The following AOX1 variants were observed in gnomAD, a reference collection of about 807,000 sequenced individuals.
The protein encoded by AOX1 is aldehyde oxidase 1.
A neutral mutation model predicts 169.5 loss-of-function variants in AOX1; 153 were observed. That is an observed-to-expected ratio of 0.90 (90% CI 0.79 to 1.03). AOX1 has a LOEUF of 1.03. Ranked by LOEUF, AOX1 falls within the 50% of genes least tolerant of loss-of-function variation. The pLI is 0.00. For synonymous variants in AOX1, 562 were observed against 581.9 expected, an observed-to-expected ratio of 0.97 and a Z score of 0.49; for missense variants, 1,656 against 1,663.9, an observed-to-expected ratio of 1.00 and a Z score of 0.08.
intron 1 of AOX1, among the ~76,000 whole-genome samples, chr2:200,586,790 C>G (rs1478418642): frequency 6.6e-6 from 1 of 152,240 alleles, no homozygotes; most frequent in African/African-American, 2.4e-5. Context: ...GCTCTGTCGC[C>G]TCAGAAGCTG....
chr2:200,666,504 T>C (rs148765009), intron 31 of AOX1, among the ~76,000 whole-genome samples, 183 bp from the exon 32 acceptor site: 190 of 152,348 alleles, frequency 1.2e-3, no homozygotes, highest in African/African-American at 4.4e-3. Flanking sequence ...AGTATTTGTA[T>C]AATTTTGAAA....
intron 26 of AOX1, among the ~76,000 whole-genome samples, chr2:200,653,226 C>T (rs2035616108): frequency 6.6e-6 from 1 of 152,196 alleles, no homozygotes; most frequent in African/African-American, 2.4e-5. Context: ...GCCAGCAGTA[C>T]AAATTCATTC....
chr2:200,665,070 T>C (rs1423577870), intron 31 of AOX1, among the ~76,000 whole-genome samples: 1 of 152,224 alleles, frequency 6.6e-6, no homozygotes, highest in African/African-American at 2.4e-5. Flanking sequence ...GAGGCCTCCA[T>C]TCTTTGTCAT....
intron 4 of AOX1, among the ~76,000 whole-genome samples, chr2:200,599,243 A>G (rs1384062651): frequency 2.0e-5 from 3 of 152,158 alleles, no homozygotes; most frequent in Admixed American, 6.5e-5. Context: ...TATCTCAGTA[A>G]TTCACAACCA....
intron 5 of AOX1, among the ~76,000 whole-genome samples, chr2:200,601,470 G>T (rs1162350210): frequency 2.0e-5 from 3 of 151,986 alleles, no homozygotes; most frequent in Non-Finnish European, 4.4e-5. Context: ...CAAAATAAAT[G>T]AATAAATAAA....
chr2:200,654,284 C>T (rs1161703045), intron 26 of AOX1, among the ~76,000 whole-genome samples: 1 of 151,280 alleles, frequency 6.6e-6, no homozygotes, highest in African/African-American at 2.4e-5. Context: ...AACCACCACC[C>T]TGGTTAGTCA....
chr2:200,648,944 C>A (rs1253205339), intron 25 of AOX1, among the ~76,000 whole-genome samples: 2 of 152,086 alleles, frequency 1.3e-5, no homozygotes, highest in South Asian at 4.2e-4. Context: ...ATGTGTACCC[C>A]CCAACAGCCC....
At chr2:200,660,217 C>A in intron 29 of AOX1, 148 bp downstream of exon 29, 1 of 670,556 alleles carries the variant, frequency 1.5e-6, no homozygotes, top group African/African-American at 1.8e-5. Flanking sequence ...CCCTTTGGCT[C>A]TTAGCATGTG....
At chr2:200,628,190 T>TAC (rs911304455) in intron 20 of AOX1, among the ~76,000 whole-genome samples, 13 of 151,170 alleles carry the variant, frequency 8.6e-5, no homozygotes, top group East Asian at 7.7e-4. Flanking sequence ...CACACACACA[T>TAC]ACACACACAC....
In AOX1 at chr2:200,652,671, G is replaced by A. The variant is rs184129730; in HGVS notation, c.3075+1470G>A. Among the ~76,000 whole-genome samples the A allele has an allele frequency of 1.8e-3, 268 of 152,266 alleles. 3 individuals carry two copies. The highest frequency in any genetic ancestry group is 6.2e-3 in the African/African-American group (256 of 41,564). ...ACGTTTGGCCGTGGGTAAACATGGC[G>A]CACTGCCTCTATTTGATGGCTGCCA... On this transcript the variant is annotated intron_variant, in intron 26 of 34. Coordinates refer to ENST00000374700, the MANE Select transcript of AOX1 (RefSeq NM_001159.4).
At chr2:200,645,151 C>CAATATTACGTTG (rs1553575339) in intron 25 of AOX1, among the ~76,000 whole-genome samples, 10 of 151,596 alleles carry the variant, frequency 6.6e-5, no homozygotes, top group Non-Finnish European at 1.5e-4. Flanking sequence ...TTTTCCCATT[C>CAATATTACGTTG]AATATTATGT....
At chr2:200,675,674 A>G (rs1296406583), downstream of AOX1, among the ~76,000 whole-genome samples, 2 of 152,170 alleles carry the variant, frequency 1.3e-5, no homozygotes. Flanking sequence ...ATTAAAAACA[A>G]TGTAATGTAA....
intron 6 of AOX1, 145 bp from the exon 7 acceptor site, chr2:200,603,122 G>T: frequency 1.6e-6 from 1 of 637,396 alleles, no homozygotes; most frequent in Non-Finnish European, 2.7e-6. Flanking sequence ...ATGTTGGTTT[G>T]GATATGTTTA....
chr2:200,642,776 C>A lies in AOX1; in HGVS notation c.2822C>A (p.Ala941Asp). 6.2e-7 allele frequency: 1 copy of A among 1,613,650 alleles called. No homozygotes were observed. ...GAATCTTGTATCACGGAAGTTGCAG[C>A]CAAATGTGGACTATCCCCTGAGAAG... ...ITESCITEVA[A>D]KCGLSPEKVR... is the part of the protein sequence containing the mutation. Residue 941 changes from alanine to aspartate, a missense_variant, in exon 25 of 35, where the codon GCC becomes GAC. Physicochemically the swap from Ala to Asp is moderately radical, Grantham distance 126 (BLOSUM62 -2). Coordinates refer to ENST00000374700, the MANE Select transcript of AOX1 (RefSeq NM_001159.4).
chr2:200,661,243 C>A (rs2035813393), intron 29 of AOX1, among the ~76,000 whole-genome samples: 1 of 152,164 alleles, frequency 6.6e-6, no homozygotes, highest in Non-Finnish European at 1.5e-5. Context: ...ATTAAGCAGC[C>A]AACCAAGCAT....
intron 17 of AOX1, 104 bp downstream of exon 17, chr2:200,620,923 A>T: frequency 1.4e-6 from 2 of 1,381,922 alleles, no homozygotes; most frequent in Non-Finnish European, 2.0e-6. Flanking sequence ...TTTGTTGGTG[A>T]TATCCAATGC....
At chr2:200,622,980 CCAAA>C (rs550023306) in intron 18 of AOX1, among the ~76,000 whole-genome samples, 170 of 152,274 alleles carry the variant, frequency 1.1e-3, no homozygotes, top group African/African-American at 3.9e-3. Flanking sequence ...TGCCCCTACC[CCAAA>C]CAAACACACT....
chr2:200,618,002 A>C (rs2034802286), intron 16 of AOX1, among the ~76,000 whole-genome samples: 1 of 152,156 alleles, frequency 6.6e-6, no homozygotes, highest in African/African-American at 2.4e-5. Context: ...TGCCATGGGG[A>C]CAGGGCAGTG....
intron 5 of AOX1, 126 bp downstream of exon 5, chr2:200,599,872 G>A (rs990807979): frequency 1.4e-5 from 9 of 662,554 alleles, no homozygotes; most frequent in East Asian, 3.4e-5. Context: ...TGTAACCTCC[G>A]CCTCCCAGGT....
Sources: allele counts gnomAD v4.1 joint callset (sites outside exome capture counted in the v4.1 genomes callset), GRCh38; gene constraint gnomAD v4.1.1; transcripts MANE v1.5; gene names NCBI Gene and HGNC (gene_info 2026-07-23, HGNC 2026-07-21).